ZBTB2: variants seen among roughly 807,000 people sequenced by gnomAD.
The protein encoded by ZBTB2 is zinc finger and BTB domain-containing protein 2.
In ZBTB2, 2 loss-of-function variants were observed where a neutral mutation model predicts 39.5. That is an observed-to-expected ratio of 0.05 (90% CI 0.02 to 0.16). The LOEUF is 0.16. Ranked by LOEUF, ZBTB2 falls within the 10% of genes least tolerant of loss-of-function variation. The pLI is 1.00. For missense variants in ZBTB2, 391 were observed against 653.0 expected (o/e 0.60, Z 4.37); for synonymous variants, 251 against 256.6 (o/e 0.98, Z 0.21).
chr6:151,374,930 T>TAAAA (rs71556221), intron 1 of ZBTB2, among the ~76,000 whole-genome samples: 86 of 63,572 alleles, frequency 1.4e-3, no homozygotes, highest in Non-Finnish European at 1.5e-3. Context: ...CCGTCTCTAC[T>TAAAA]AAAAAAAAAA....
chr6:151,370,748 C>T (rs193168185), intron 2 of ZBTB2, among the ~76,000 whole-genome samples: 7 of 152,318 alleles, frequency 4.6e-5, no homozygotes, highest in African/African-American at 1.7e-4. Context: ...GTGTGTCATG[C>T]CCCACAGAGG....
intron 1 of ZBTB2, among the ~76,000 whole-genome samples, chr6:151,390,210 G>A (rs1489759063): frequency 6.6e-6 from 1 of 151,722 alleles, no homozygotes; most frequent in Non-Finnish European, 1.5e-5. Context: ...AGGCGACAAG[G>A]GCGGCGCCAC....
chr6:151,376,090 C>T (rs549812830), intron 1 of ZBTB2, among the ~76,000 whole-genome samples: 1 of 152,220 alleles, frequency 6.6e-6, no homozygotes, highest in South Asian at 2.1e-4. Context: ...GAAGAATAAG[C>T]TTTTCAACAA....
intron 2 of ZBTB2, among the ~76,000 whole-genome samples, chr6:151,369,838 T>G (rs1387763081): frequency 2.0e-5 from 3 of 152,072 alleles, no homozygotes; most frequent in Non-Finnish European, 4.4e-5. Flanking sequence ...CCGGGCGTGG[T>G]GGTGCGCAGC....
At chr6:151,381,786 C>G (rs1367657747) in intron 1 of ZBTB2, among the ~76,000 whole-genome samples, 1 of 152,158 alleles carries the variant, frequency 6.6e-6, no homozygotes, top group African/African-American at 2.4e-5. Flanking sequence ...CTTTATTTTG[C>G]CAGCAAAGAC....
chr6:151,369,276 A>C (rs1305353210), intron 2 of ZBTB2, among the ~76,000 whole-genome samples: 1 of 152,180 alleles, frequency 6.6e-6, no homozygotes, highest in Non-Finnish European at 1.5e-5. Context: ...GGGAAAAGAA[A>C]GCGGCGAGTC....
chr6:151,373,868 A>AAAC (rs1562766578), intron 1 of ZBTB2, among the ~76,000 whole-genome samples: 6 of 146,852 alleles, frequency 4.1e-5, no homozygotes, highest in Non-Finnish European at 8.9e-5. Flanking sequence ...AAAAAAAAAA[A>AAAC]AAAAAAAAAC....
chr6:151,366,586 C>T lies in ZBTB2; in HGVS notation c.480G>A (p.Arg160=), dbSNP rs757054645. The part of the protein sequence containing the change: ...SAPEKLGRDP[R]PQTSRISQEQ... ...CCTGGCTTATCCTGGAGGTCTGTGG[C>T]CGTGGATCTCGCCCGAGTTTTTCAG... The change falls in exon 3 of 3, where the codon CGG becomes CGA. Residue 160 remains arginine, a synonymous_variant. Transcript: ENST00000325144. The surrounding 1 kb of genome is among the most constrained non-coding windows in gnomAD (Gnocchi z 7.1). The T allele has an allele frequency of 1.7e-5, 28 of 1,614,012 alleles. No individual in the cohort carries two copies. The South Asian group carries it at 2.1e-4, about 12-fold the overall frequency.
intron 2 of ZBTB2, chr6:151,370,198 C>T (rs1297460221): frequency 7.8e-6 from 4 of 514,674 alleles, no homozygotes; most frequent in Non-Finnish European, 1.0e-5. Context: ...TGCAGTGACA[C>T]GATCTCGGCT....
At chr6:151,376,489 T>A (rs966145256) in intron 1 of ZBTB2, among the ~76,000 whole-genome samples, 24 of 152,058 alleles carry the variant, frequency 1.6e-4, no homozygotes, top group African/African-American at 5.6e-4. Context: ...TAAAGAACTT[T>A]CAAAACTCAA....
rs777180966 is a variant in ZBTB2, at chr6:151,365,823, T to A, written c.1243A>T (p.Ile415Phe). Residue 415 changes from isoleucine (I) to phenylalanine (F), a missense_variant, in exon 3 of 3, where the codon ATC (isoleucine) becomes TTC (phenylalanine). Transcript: ENST00000325144. This position sits in a 1 kb window ranked among gnomAD's most constrained non-coding sequence, Gnocchi z 5.6. ...TTGTCCACCATGGTGTAAGTGTCGA[T>A]GCTCTGGTTGAGGCACACGTGGCGG... The part of the protein sequence containing the change: ...AARHVCLNQS[I>F]DTYTMVDKQT... 3 of 1,614,142 alleles carry A rather than the reference T, an allele frequency of 1.9e-6. No individual in the cohort carries two copies. Among genetic ancestry groups the A allele is most frequent in the Non-Finnish European group, 2.5e-6 (3 of 1,180,052 alleles).
Position 151,366,723 on chromosome 6 carries a change from T to A in ZBTB2, c.343A>T (p.Ser115Cys), listed in dbSNP as rs1277634972. The A allele has an allele frequency of 2.5e-6, 4 of 1,614,134 alleles. No individual in the cohort carries two copies. The highest frequency in any genetic ancestry group is 3.4e-6 in the Non-Finnish European group (4 of 1,179,998). Residue 115 changes from serine to cysteine, a missense_variant, in exon 3 of 3, where the codon AGC becomes TGC. By Grantham distance (112) the Ser-to-Cys change is moderately radical. Coordinates refer to ENST00000325144, the MANE Select transcript of ZBTB2 (RefSeq NM_020861.3). The surrounding 1 kb of genome is among the most constrained non-coding windows in gnomAD (Gnocchi z 7.1). Reference protein sequence around the residue: ...YPLIQEASLASQGAFSHPDQV... With the variant: ...YPLIQEASLACQGAFSHPDQV... ...TCAGGGTGAGAAAAGGCTCCCTGGCTGGCGAGGCTGGCTTCCTGAATGAGC... is the reference window on the plus strand; with the variant it reads ...TCAGGGTGAGAAAAGGCTCCCTGGCAGGCGAGGCTGGCTTCCTGAATGAGC...
At chr6:151,390,995 G>GA (rs1315906184) in intron 1 of ZBTB2, among the ~76,000 whole-genome samples, 2 of 149,122 alleles carry the variant, frequency 1.3e-5, no homozygotes, top group East Asian at 4.1e-4. Context: ...AACCGAACGC[G>GA]AATCGCCCCC....
chr6:151,388,048 A>G lies in ZBTB2; in HGVS notation c.-13+3372T>C, dbSNP rs1425208536. On this transcript the variant is annotated intron_variant, in intron 1 of 2. Transcript: ENST00000325144. ...ACGTTTTAGAAATATTCTTAGTCTA[A>G]TGCTTAGAATGTTTACATTTTTTTT... is the stretch of plus-strand genomic sequence containing the variant. Among the ~76,000 whole-genome samples, 9 of 150,722 alleles carry G rather than the reference A, an allele frequency of 6.0e-5. No homozygotes were observed. The East Asian group carries it at 1.8e-3, about 30-fold the overall frequency.
chr6:151,366,214 G>T lies in ZBTB2; in HGVS notation c.852C>A (p.Ser284Arg). 6.2e-7 allele frequency: 1 copy of T among 1,614,142 alleles called. No individual in the cohort carries two copies. Among genetic ancestry groups the T allele is most frequent in the Non-Finnish European group, 8.5e-7 (1 of 1,180,042 alleles). The change falls in exon 3 of 3, where the codon AGC becomes AGA. Residue 284 changes from serine (S) to arginine (R), a missense_variant. This residue lies in a region of ZBTB2 where 80 missense variants were observed against 125.2 expected (regional missense o/e 0.64). Coordinates refer to ENST00000325144, the MANE Select transcript of ZBTB2 (RefSeq NM_020861.3). The surrounding 1 kb of genome is among the most constrained non-coding windows in gnomAD (Gnocchi z 7.1). ...GGGGGACGCGACTTTCTCCCTGTTG[G>T]CTAGATGTGAAAGGTACTCCTGTGT... ...QIHTGVPFTSSQQGESRVPLT... is the reference protein window; with the variant it reads ...QIHTGVPFTSRQQGESRVPLT...
In ZBTB2 at chr6:151,366,548, T is replaced by C. The variant is rs773662031; in HGVS notation, c.518A>G (p.Glu173Gly). The C allele has an allele frequency of 1.4e-5, 22 of 1,613,998 alleles. No homozygotes were observed. In the East Asian group the frequency reaches 4.5e-4, roughly 33 times the overall value. The part of the protein sequence containing the change: ...TSRISQEQVP[E>G]ASQLSQLTSN... ...AGTCAGCTGGGAGAGCTGTGAGGCCTCAGGGACCTGCTCCTGGCTTATCCT... is the reference window on the plus strand; with the variant it reads ...AGTCAGCTGGGAGAGCTGTGAGGCCCCAGGGACCTGCTCCTGGCTTATCCT... The change falls in exon 3 of 3, where the codon GAG becomes GGG. Residue 173 changes from glutamate (E) to glycine (G), a missense_variant. Glu to Gly is a moderately conservative substitution (Grantham distance 98). Coordinates refer to ENST00000325144, the MANE Select transcript of ZBTB2 (RefSeq NM_020861.3). The surrounding 1 kb of genome is among the most constrained non-coding windows in gnomAD (Gnocchi z 7.1).
intron 2 of ZBTB2, among the ~76,000 whole-genome samples, chr6:151,369,409 G>A (rs1489421055): frequency 6.6e-6 from 1 of 152,122 alleles, no homozygotes; most frequent in Non-Finnish European, 1.5e-5. Flanking sequence ...CTGGAGTGCA[G>A]TGGCATGATC....
In ZBTB2 at chr6:151,366,371, G is replaced by A. The variant is rs761573898; in HGVS notation, c.695C>T (p.Ala232Val). Residue 232 changes from alanine to valine, a missense_variant, in exon 3 of 3, where the codon GCG becomes GTG. Physicochemically the swap from Ala to Val is moderately conservative, Grantham distance 64 (BLOSUM62 0). Coordinates refer to ENST00000325144, the MANE Select transcript of ZBTB2 (RefSeq NM_020861.3). The surrounding 1 kb of genome is among the most constrained non-coding windows in gnomAD (Gnocchi z 7.1). ...CTTGACGTGGGCTATTGTGAGGGAC[G>A]CAGGCTGCTCATCGGAGGAAGATGC... ...LEASSSDEQP[A>V]SLTIAHVKPS... 1.8e-5 allele frequency: 29 copies of A among 1,614,006 alleles called. No homozygotes were observed. Among genetic ancestry groups the A allele is most frequent in the African/African-American group, 2.7e-5 (2 of 74,908 alleles).
chr6:151,390,540 G>A (rs1265588035), intron 1 of ZBTB2, among the ~76,000 whole-genome samples: 11 of 150,712 alleles, frequency 7.3e-5, no homozygotes, highest in Non-Finnish European at 1.3e-4. Context: ...CCGGCGCCGG[G>A]GGCGGGGGTG....
Sources: gnomAD v4.1 joint callset for allele counts (sites outside exome capture counted in the v4.1 genomes callset) on GRCh38, gnomAD v4.1.1 for gene constraint, gnomAD v4.1.1 regional missense constraint, Gnocchi (gnomAD v3.1) non-coding constraint, MANE v1.5 for transcripts, NCBI Gene and HGNC (gene_info 2026-07-23, HGNC 2026-07-21) for gene names.